TBC1D4: variants seen among roughly 807,000 people sequenced by gnomAD.
TBC1D4 encodes the protein TBC (Tre-2, BUB2, CDC16) domain-containing protein.
Under a neutral mutation model 142.5 loss-of-function variants are expected in TBC1D4, and 121 were observed. The observed-to-expected ratio is 0.85, with a 90% confidence interval of 0.73 to 0.99. The LOEUF (loss-of-function observed/expected upper bound fraction) is 0.99. Among genes scored for constraint, TBC1D4 ranks in the 50% least tolerant of loss-of-function variants. The pLI is 0.00. For missense variants in TBC1D4, 1,475 were observed against 1,606.6 expected, an observed-to-expected ratio of 0.92 and a Z score of 1.40; for synonymous variants, 630 against 628.2, an observed-to-expected ratio of 1.00 and a Z score of -0.04.
intron 1 of TBC1D4, among the ~76,000 whole-genome samples, chr13:75,476,219 G>C (rs1194298856): frequency 6.6e-6 from 1 of 152,072 alleles, no homozygotes; most frequent in African/African-American, 2.4e-5. Flanking sequence ...CTCCAGCCTG[G>C]GCGACAGTGC....
intron 2 of TBC1D4, 105 bp downstream of exon 2, chr13:75,361,921 T>TA (rs1270161458): frequency 1.3e-5 from 17 of 1,334,788 alleles, no homozygotes; most frequent in Non-Finnish European, 1.5e-5. Flanking sequence ...AAATAAAAGT[T>TA]AGATTATTCG....
chr13:75,328,814 G>A (rs753277148), intron 8 of TBC1D4, among the ~76,000 whole-genome samples: 2 of 152,130 alleles, frequency 1.3e-5, no homozygotes, highest in South Asian at 4.1e-4. Context: ...GGGGTCGGGG[G>A]TAAGGGGTTG....
chr13:75,366,780 T>C (rs1445979724), intron 1 of TBC1D4: 1 of 236,090 alleles, frequency 4.2e-6, no homozygotes, highest in South Asian at 1.6e-4. Context: ...AAAAAACCCA[T>C]TAACATTTTA....
chr13:75,328,890 C>G (rs935155085), intron 8 of TBC1D4, among the ~76,000 whole-genome samples: 15 of 152,044 alleles, frequency 9.9e-5, no homozygotes, highest in African/African-American at 3.6e-4. Context: ...ACTGTGCTAT[C>G]AAGTTTATAA....
intron 15 of TBC1D4, 67 bp from the exon 16 acceptor site, chr13:75,302,468 T>G: frequency 2.5e-6 from 4 of 1,576,496 alleles, no homozygotes; most frequent in South Asian, 1.1e-5. Flanking sequence ...TCCCAGCTGA[T>G]TCACTATATA....
At chr13:75,307,108 C>T (rs967316135) in intron 14 of TBC1D4, among the ~76,000 whole-genome samples, 2 of 152,026 alleles carry the variant, frequency 1.3e-5, no homozygotes, top group African/African-American at 2.4e-5. Context: ...TACAGGCATG[C>T]GCCACTACAC....
At chr13:75,462,600 C>A (rs1888017748) in intron 1 of TBC1D4, among the ~76,000 whole-genome samples, 1 of 151,706 alleles carries the variant, frequency 6.6e-6, no homozygotes, top group Non-Finnish European at 1.5e-5. Context: ...CCCTGCCCCC[C>A]ATCCCTACAC....
intron 1 of TBC1D4, among the ~76,000 whole-genome samples, chr13:75,445,942 T>A (rs1887266231): frequency 6.6e-6 from 1 of 152,250 alleles, no homozygotes; most frequent in Non-Finnish European, 1.5e-5. Context: ...TTTATTTGAT[T>A]TATGTGCTGG....
chr13:75,286,741 C>T lies in TBC1D4; in HGVS notation c.*51G>A. On this transcript the variant is annotated 3_prime_UTR_variant, in exon 21 of 21. Coordinates refer to ENST00000377636, the MANE Select transcript of TBC1D4 (RefSeq NM_014832.5). Reference sequence around the variant, plus strand: ...TGGGCCAGCGACATGCAGGCTCTTCCTCTCTGTAGTATTCTAAGGAGCACT... The same window carrying T: ...TGGGCCAGCGACATGCAGGCTCTTCTTCTCTGTAGTATTCTAAGGAGCACT... 2 of 1,567,182 alleles carry T rather than the reference C, an allele frequency of 1.3e-6. No individual in the cohort carries two copies. Among genetic ancestry groups the T allele is most frequent in the Non-Finnish European group, 1.7e-6 (2 of 1,146,132 alleles).
intron 1 of TBC1D4, among the ~76,000 whole-genome samples, chr13:75,411,766 G>A (rs1885680530): frequency 6.6e-6 from 1 of 151,616 alleles, no homozygotes; most frequent in Non-Finnish European, 1.5e-5. Flanking sequence ...TCGAACTCCT[G>A]GCCTCAGGTG....
intron 1 of TBC1D4, among the ~76,000 whole-genome samples, chr13:75,469,903 C>T (rs1888328120): frequency 6.6e-6 from 1 of 152,156 alleles, no homozygotes; most frequent in African/African-American, 2.4e-5. Flanking sequence ...TATTCAAGTG[C>T]AGATGTCAAA....
At chr13:75,292,712 A>G (rs1206440279) in intron 18 of TBC1D4, among the ~76,000 whole-genome samples, 1 of 141,072 alleles carries the variant, frequency 7.1e-6, no homozygotes. Context: ...AATCTATACC[A>G]CACCAGGAAA....
In TBC1D4 at chr13:75,472,106, CAA is replaced by C. The variant is rs59823952; in HGVS notation, c.498+9162_498+9163del. ...TGGGCAACAGAGCCAGACTCTGTCTCAAAAAAAAAAAAAAAAAAAAGAAAAGA... is the reference window on the plus strand; with the variant it reads ...TGGGCAACAGAGCCAGACTCTGTCTCAAAAAAAAAAAAAAAAAAGAAAAGA... On this transcript the variant is annotated intron_variant, in intron 1 of 20. Transcript: ENST00000377636. Among the ~76,000 whole-genome samples the C allele has an allele frequency of 2.2e-3, 274 of 121,818 alleles. 1 individual carries two copies. The highest frequency in any genetic ancestry group is 0.013 in the Middle Eastern group (3 of 232). The allele number at this position is 121,818 out of a possible 152,430, so 79.9% of individuals were successfully genotyped here.
In TBC1D4 at chr13:75,393,818, C is replaced by T. The variant is rs542064798; in HGVS notation, c.499-31211G>A. 5.3e-5 allele frequency among the ~76,000 whole-genome samples: 8 copies of T among 151,924 alleles called. No individual in the cohort carries two copies. In the South Asian group the frequency reaches 1.7e-3, roughly 32 times the overall value. ...TGGTGGCACATGCCTGTAATCCCTG[C>T]TACTCTGGAGGCTGAGGCAGGAGAA... On this transcript the variant is annotated intron_variant, in intron 1 of 20. Coordinates refer to ENST00000377636, the MANE Select transcript of TBC1D4 (RefSeq NM_014832.5).
chr13:75,311,695 T>C (rs1877775097), intron 13 of TBC1D4, among the ~76,000 whole-genome samples: 1 of 152,198 alleles, frequency 6.6e-6, no homozygotes, highest in African/African-American at 2.4e-5. Context: ...CCCAAACACA[T>C]GTCATTCTAC....
chr13:75,284,302 ATAT>A lies in TBC1D4; in HGVS notation c.*2487_*2489del, dbSNP rs1314630790. ...CTATTATTATTATTATATCCTCACC[ATAT>A]TATTATTATATACTCACCATAATGT... On this transcript the variant is annotated 3_prime_UTR_variant, in exon 21 of 21. Transcript: ENST00000377636. 1.3e-5 allele frequency among the ~76,000 whole-genome samples: 2 copies of A among 152,096 alleles called. No individual in the cohort carries two copies. Among genetic ancestry groups the A allele is most frequent in the African/African-American group, 4.8e-5 (2 of 41,410 alleles).
rs146568825 is a variant in TBC1D4 at position 75,407,166 on chromosome 13, T to TAGCC, written c.499-44563_499-44560dup. 2.7e-3 allele frequency among the ~76,000 whole-genome samples: 404 copies of TAGCC among 152,314 alleles called. 2 individuals carry two copies. Among genetic ancestry groups the TAGCC allele is most frequent in the Non-Finnish European group, 4.6e-3 (315 of 68,022 alleles). ...TAAATTCTAGCCCACCTCATTCAGG[T>TAGCC]AGCCATTCATCTCCTGCACATCTAC... On this transcript the variant is annotated intron_variant, in intron 1 of 20. Transcript: ENST00000377636.
rs567915358 is a variant in TBC1D4, at chr13:75,360,873, A to C, written c.1081-1015T>G. Among the ~76,000 whole-genome samples, 16 of 152,346 alleles carry C rather than the reference A, an allele frequency of 1.1e-4. 1 individual carries two copies. Among genetic ancestry groups the C allele is most frequent in the Admixed American group, 7.8e-4 (12 of 15,302 alleles). On this transcript the variant is annotated intron_variant, in intron 2 of 20. Coordinates refer to ENST00000377636, the MANE Select transcript of TBC1D4 (RefSeq NM_014832.5). The stretch of plus-strand genomic sequence containing the variant: ...TAAAATATTATCATTTGTGAAAAAA[A>C]GCCTCATGAACTTCCGATAAAGCAA...
chr13:75,318,685 A>T (rs900813977), intron 12 of TBC1D4, among the ~76,000 whole-genome samples: 4 of 152,256 alleles, frequency 2.6e-5, no homozygotes, highest in African/African-American at 9.6e-5. Context: ...TTACTAATTA[A>T]GTAAAATTGA....
Sources: allele counts gnomAD v4.1 joint callset (sites outside exome capture counted in the v4.1 genomes callset), GRCh38; gene constraint gnomAD v4.1.1; transcripts MANE v1.5; gene names NCBI Gene and HGNC (gene_info 2026-07-23, HGNC 2026-07-21).